The following ATP9B variants were observed in gnomAD, a reference collection of about 807,000 sequenced individuals.
ATP9B encodes probable phospholipid-transporting ATPase IIB.
In ATP9B, 110 loss-of-function variants were observed where a neutral mutation model predicts 146.1. The ratio of observed to expected loss-of-function variants is 0.75; its 90% CI spans 0.65 to 0.88. ATP9B has a LOEUF of 0.88. ATP9B is among the 40% of genes least tolerant of loss of function. The pLI is 0.00. For missense variants in ATP9B, 1,499 were observed against 1,496.4 expected (o/e 1.00, Z -0.03); for synonymous variants, 604 against 569.7 (o/e 1.06, Z -0.86).
At chr18:79,231,803 T>TATATATATATATATATACACACACACAC (rs569726473) in intron 11 of ATP9B, among the ~76,000 whole-genome samples, 5 of 114,760 alleles carry the variant, frequency 4.4e-5, no homozygotes, top group African/African-American at 1.7e-4. Context: ...TATATATATA[T>TATATATATATATATATACACACACACAC]ACACACACAC....
Position 79,208,137 on chromosome 18 carries a change from C to T in ATP9B, c.1030+1125C>T, listed in dbSNP as rs1053549759. ...GCGGGCGCCTGTAGTCCCAGCTACTCGGGGGGCTGAGGCAGGAGAATGGCG... is the reference window on the plus strand; with the variant it reads ...GCGGGCGCCTGTAGTCCCAGCTACTTGGGGGGCTGAGGCAGGAGAATGGCG... On this transcript the variant is annotated intron_variant, in intron 10 of 29. Coordinates refer to ENST00000426216, the MANE Select transcript of ATP9B (RefSeq NM_198531.5). Among the ~76,000 whole-genome samples, 17 of 151,970 alleles carry T rather than the reference C, an allele frequency of 1.1e-4. No homozygotes were observed. The South Asian group carries it at 1.3e-3, about 11-fold the overall frequency.
chr18:79,230,182 A>G (rs961853901), intron 11 of ATP9B, among the ~76,000 whole-genome samples: 2 of 152,188 alleles, frequency 1.3e-5, no homozygotes, highest in Admixed American at 6.5e-5. Context: ...TCAATAATAA[A>G]ATGGAAGTTT....
chr18:79,102,741 C>T (rs569441964), intron 2 of ATP9B, among the ~76,000 whole-genome samples: 8 of 152,180 alleles, frequency 5.3e-5, no homozygotes, highest in East Asian at 1.9e-4. Flanking sequence ...TGACATGTTT[C>T]CTATGTTGAG....
chr18:79,282,998 C>A (rs1044933849), intron 13 of ATP9B, among the ~76,000 whole-genome samples: 1 of 152,264 alleles, frequency 6.6e-6, no homozygotes, highest in South Asian at 2.1e-4. Flanking sequence ...CTGAAAGCAG[C>A]TGGTTTTGCC....
intron 8 of ATP9B, among the ~76,000 whole-genome samples, chr18:79,192,202 T>C (rs1247781643): frequency 3.3e-5 from 5 of 152,208 alleles, no homozygotes; most frequent in Admixed American, 2.6e-4. Flanking sequence ...ATCTCTCACC[T>C]CTGCTTCTTC....
At chr18:79,244,582 A>C (rs949073393) in intron 11 of ATP9B, among the ~76,000 whole-genome samples, 3 of 152,180 alleles carry the variant, frequency 2.0e-5, no homozygotes, top group Non-Finnish European at 4.4e-5. Context: ...GAATCTGATG[A>C]CATTTTAGTA....
intron 1 of ATP9B, among the ~76,000 whole-genome samples, chr18:79,093,443 G>A (rs183097099): frequency 6.6e-6 from 1 of 152,286 alleles, no homozygotes; most frequent in Admixed American, 6.5e-5. Flanking sequence ...TATGTAATGA[G>A]TTGTGTTTCT....
intron 4 of ATP9B, among the ~76,000 whole-genome samples, chr18:79,125,660 GT>G (rs1216019098): frequency 6.6e-6 from 1 of 152,088 alleles, no homozygotes; most frequent in Non-Finnish European, 1.5e-5. Context: ...CATATTAGTG[GT>G]ATAATGGGCT....
chr18:79,126,204 CAAAT>C (rs2094283431), intron 4 of ATP9B, 59 bp from the exon 5 acceptor site: 2 of 1,373,052 alleles, frequency 1.5e-6, no homozygotes. Context: ...AACCAAGTAA[CAAAT>C]AATTTTGTCT....
intron 11 of ATP9B, among the ~76,000 whole-genome samples, chr18:79,246,703 C>A (rs547407936): frequency 6.6e-6 from 1 of 152,226 alleles, no homozygotes; most frequent in African/African-American, 2.4e-5. Flanking sequence ...TCGCGCTCCC[C>A]CTGCTGGCCG....
At chr18:79,233,616 G>A (rs779407468) in intron 11 of ATP9B, among the ~76,000 whole-genome samples, 25 of 152,216 alleles carry the variant, frequency 1.6e-4, no homozygotes, top group Non-Finnish European at 3.2e-4. Flanking sequence ...CTCACGAGAG[G>A]TGGGGCTTAG....
At chr18:79,372,727 C>G (rs769476123) in intron 26 of ATP9B, 98 bp from the exon 27 acceptor site, 3 of 837,590 alleles carry the variant, frequency 3.6e-6, no homozygotes, top group South Asian at 2.7e-5. Flanking sequence ...GGCTTATGGA[C>G]CTGGGTCTTT....
chr18:79,132,943 A>T, intron 5 of ATP9B, among the ~76,000 whole-genome samples: 1 of 152,192 alleles, frequency 6.6e-6, no homozygotes, highest in East Asian at 1.9e-4. Context: ...ATCACACTGA[A>T]ATTATTTTGA....
Position 79,125,765 on chromosome 18 carries a change from A to G in ATP9B, c.559-502A>G, listed in dbSNP as rs141579849. On this transcript the variant is annotated intron_variant, in intron 4 of 29. Transcript: ENST00000426216. ...ACTTAAAAAGTGAGATGAAAGCACT[A>G]TAATTGTTCATTCTACTGCAGTTAT... 1.9e-4 allele frequency among the ~76,000 whole-genome samples: 29 copies of G among 152,346 alleles called. No individual in the cohort carries two copies. In the East Asian group the frequency reaches 3.7e-3, roughly 19 times the overall value.
chr18:79,078,823 C>T (rs2072923884), intron 1 of ATP9B, among the ~76,000 whole-genome samples: 1 of 152,118 alleles, frequency 6.6e-6, no homozygotes, highest in African/African-American at 2.4e-5. Flanking sequence ...CCCCCCACAC[C>T]CCGACAGGCC....
chr18:79,349,321 C>T (rs1311183907), intron 25 of ATP9B, among the ~76,000 whole-genome samples: 5 of 148,670 alleles, frequency 3.4e-5, no homozygotes, highest in Non-Finnish European at 7.6e-5. Flanking sequence ...CCACTGGCTT[C>T]GATGCTCTTG....
At chr18:79,336,933 A>G (rs1216643131) in intron 18 of ATP9B, among the ~76,000 whole-genome samples, 2 of 152,224 alleles carry the variant, frequency 1.3e-5, no homozygotes, top group Non-Finnish European at 2.9e-5. Flanking sequence ...AAGAAGTGCC[A>G]GTTTCCTTAG....
At chr18:79,112,226 G>T (rs923344983) in intron 3 of ATP9B, among the ~76,000 whole-genome samples, 2 of 152,132 alleles carry the variant, frequency 1.3e-5, no homozygotes, top group Admixed American at 6.5e-5. Flanking sequence ...CCTTCTAAGT[G>T]GCATGGAAAT....
At chr18:79,285,142 G>A (rs1266073059) in intron 13 of ATP9B, among the ~76,000 whole-genome samples, 1 of 151,264 alleles carries the variant, frequency 6.6e-6, no homozygotes, top group Non-Finnish European at 1.5e-5. Context: ...ACCCAGTAAT[G>A]GGATGGCTGG....
Sources: gnomAD v4.1 joint callset for allele counts (sites outside exome capture counted in the v4.1 genomes callset) on GRCh38, gnomAD v4.1.1 for gene constraint, MANE v1.5 for transcripts, NCBI Gene and HGNC (gene_info 2026-07-23, HGNC 2026-07-21) for gene names.